Variants in NR1D2 observed in about 807,000 individuals in gnomAD.
The protein encoded by NR1D2 is V-erbA-related protein 1-related.
Under a neutral mutation model 52.2 loss-of-function variants are expected in NR1D2, and 25 were observed. The observed-to-expected ratio is 0.48, with a 90% confidence interval of 0.35 to 0.67. The LOEUF is 0.67. Among genes scored for constraint, NR1D2 ranks in the 30% least tolerant of loss-of-function variants. The pLI, the probability that NR1D2 is intolerant of heterozygous loss-of-function variation, is 0.01. For synonymous variants in NR1D2, 259 were observed against 230.1 expected (o/e 1.13, Z -1.14); for missense variants, 681 against 707.2 (o/e 0.96, Z 0.42).
At chr3:23,975,778 T>C (rs114605549) in intron 7 of NR1D2, among the ~76,000 whole-genome samples, 2,195 of 152,292 alleles carry the variant, frequency 0.014, 60 homozygotes, top group African/African-American at 0.051. Context: ...ATAAAACTTA[T>C]TTTTATCATT....
rs561849691 is a variant in NR1D2, at chr3:23,946,030, G to GGCGCGC, written c.16+447_16+452dup. 16 of 845,204 alleles carry GGCGCGC rather than the reference G, an allele frequency of 1.9e-5. No homozygotes were observed. In the South Asian group the frequency reaches 4.8e-4, roughly 26 times the overall value. The allele number at this position is 845,204 out of a possible 1,614,324, so 52.4% of individuals were successfully genotyped here. On this transcript the variant is annotated intron_variant, in intron 1 of 7. Transcript: ENST00000312521. ...GGCCGCAGGGACACGTGGGGGCGGGGGCGCGCGCGCGCGCGCTGGCTGGGA... is the reference window on the plus strand; with the variant it reads ...GGCCGCAGGGACACGTGGGGGCGGGGGCGCGCGCGCGCGCGCGCGCGCTGGCTGGGA...
chr3:23,950,169 A>T (rs1705886240), intron 1 of NR1D2, among the ~76,000 whole-genome samples: 1 of 152,218 alleles, frequency 6.6e-6, no homozygotes, highest in Admixed American at 6.5e-5. Flanking sequence ...GCACTTATGA[A>T]TGCCATTTCA....
At chr3:23,960,329 C>T (rs1323704238) in intron 4 of NR1D2, among the ~76,000 whole-genome samples, 2 of 152,158 alleles carry the variant, frequency 1.3e-5, no homozygotes, top group Non-Finnish European at 1.5e-5. Context: ...AGCGTGAACC[C>T]AGGAGGTGGA....
intron 4 of NR1D2, 77 bp from the exon 5 acceptor site, chr3:23,961,900 G>C: frequency 7.4e-7 from 1 of 1,358,356 alleles, no homozygotes; most frequent in Non-Finnish European, 9.9e-7. Context: ...ATAACTGTTG[G>C]ATAATTTTGT....
At chr3:23,947,521 T>C (rs1705776655) in intron 1 of NR1D2, among the ~76,000 whole-genome samples, 1 of 152,218 alleles carries the variant, frequency 6.6e-6, no homozygotes, top group South Asian at 2.1e-4. Context: ...AAGTTCCAAG[T>C]TGCCCTCTTT....
At chr3:23,961,637 C>T (rs892267044) in intron 4 of NR1D2, among the ~76,000 whole-genome samples, 9 of 152,036 alleles carry the variant, frequency 5.9e-5, no homozygotes, top group Non-Finnish European at 1.3e-4. Flanking sequence ...CTCAGGTGGT[C>T]CACCTGCCTC....
intron 6 of NR1D2, 26 bp downstream of exon 6, chr3:23,965,188 G>C: frequency 3.0e-6 from 4 of 1,333,412 alleles, no homozygotes; most frequent in Non-Finnish European, 4.2e-6. Context: ...CCTGAATATT[G>C]ATGCAGGCAG....
intron 1 of NR1D2, chr3:23,946,067 T>C (rs1408518253): frequency 5.1e-6 from 5 of 979,700 alleles, no homozygotes; most frequent in Middle Eastern, 5.2e-4. Context: ...CGCCGCAGCC[T>C]CCCGGGAGGC....
In NR1D2 at chr3:23,962,315, C is replaced by A. The variant is rs768518229; in HGVS notation, c.856C>A (p.Arg286=). Residue 286 remains arginine, a synonymous_variant, in exon 5 of 8, where the codon CGG becomes AGG. Transcript: ENST00000312521. The stretch of plus-strand genomic sequence containing the variant: ...GAGCATGCAGCCCCAGAGAGGAGAA[C>A]GGATTCCCAAGAACATGGAGCAATA... ...AESMQPQRGE[R]IPKNMEQYNL... is the part of the protein sequence containing the mutation. 1.4e-5 allele frequency: 23 copies of A among 1,614,040 alleles called. No individual in the cohort carries two copies. Among genetic ancestry groups the A allele is most frequent in the Non-Finnish European group, 1.8e-5 (21 of 1,180,036 alleles).
Position 23,945,570 on chromosome 3 carries a change from G to GT in NR1D2, c.-9_-8insT, listed in dbSNP as rs1315652390. ...AGCGGGCGGCCCCGGCCGCCTCCGC[G>GT]AGGGCACCATGGAGGTGAATGCAGG... On this transcript the variant is annotated 5_prime_UTR_variant, in exon 1 of 8. Coordinates refer to ENST00000312521, the MANE Select transcript of NR1D2 (RefSeq NM_005126.5). The GT allele has an allele frequency of 8.6e-7, 1 of 1,168,530 alleles. No homozygotes were observed. Among genetic ancestry groups the GT allele is most frequent in the East Asian group, 3.9e-5 (1 of 25,390 alleles). The allele number at this position is 1,168,530 out of a possible 1,614,324, so 72.4% of individuals were successfully genotyped here.
chr3:23,969,350 A>G (rs957585925), intron 7 of NR1D2, among the ~76,000 whole-genome samples: 1 of 152,142 alleles, frequency 6.6e-6, no homozygotes, highest in Non-Finnish European at 1.5e-5. Flanking sequence ...GAGGACCTGT[A>G]CCTCAGTGGA....
chr3:23,977,312 C>A lies in NR1D2; in HGVS notation c.1633C>A (p.Pro545Thr). Residue 545 changes from proline (P) to threonine (T), a missense_variant, in exon 8 of 8, where the codon CCA becomes ACA. By Grantham distance (38) the Pro-to-Thr change is conservative. Transcript: ENST00000312521. Reference protein sequence around the residue: ...ALRTLIMKNHPNEASIFTKLL... With the variant: ...ALRTLIMKNHTNEASIFTKLL... ...AAGGACCTTAATAATGAAAAACCATCCAAATGAGGCCTCTATTTTTACAAA... is the reference window on the plus strand; with the variant it reads ...AAGGACCTTAATAATGAAAAACCATACAAATGAGGCCTCTATTTTTACAAA... The A allele has an allele frequency of 6.2e-7, 1 of 1,613,168 alleles. No individual in the cohort carries two copies. Among genetic ancestry groups the A allele is most frequent in the Non-Finnish European group, 8.5e-7 (1 of 1,179,330 alleles).
rs1406639429 is a variant in NR1D2, at chr3:23,977,358, A to T, written c.1679A>T (p.Asp560Val). 6.2e-7 allele frequency: 1 copy of T among 1,613,356 alleles called. No individual in the cohort carries two copies. The highest frequency in any genetic ancestry group is 8.5e-7 in the Non-Finnish European group (1 of 1,179,706). ...ACAAAACTGCTTCTAAAGTTGCCAG[A>T]TCTTCGATCTTTAAACAACATGCAC... ...IFTKLLLKLP[D>V]LRSLNNMHSE... The change falls in exon 8 of 8, where the codon GAT becomes GTT. Residue 560 changes from aspartate to valine, a missense_variant. Physicochemically the swap from Asp to Val is radical, Grantham distance 152 (BLOSUM62 -3). This residue lies in a region of NR1D2 where 475 missense variants were observed against 454.5 expected (regional missense o/e 1.05). Coordinates refer to ENST00000312521, the MANE Select transcript of NR1D2 (RefSeq NM_005126.5).
chr3:23,954,685 C>T lies in NR1D2; in HGVS notation c.165C>T (p.Pro55=). 1 of 1,613,972 alleles carries T rather than the reference C, an allele frequency of 6.2e-7. No homozygotes were observed. Among genetic ancestry groups the T allele is most frequent in the Non-Finnish European group, 8.5e-7 (1 of 1,179,948 alleles). Residue 55 remains proline, a synonymous_variant, in exon 2 of 8, where the codon CCC becomes CCT. Transcript: ENST00000312521. ...CTAATTCTGATACCAATGGTAATCC[C>T]AAGAATGGTGATCTCGCCAATATTG... The part of the protein sequence containing the change: ...NSSNSDTNGN[P]KNGDLANIEG...
intron 3 of NR1D2, among the ~76,000 whole-genome samples, chr3:23,956,550 G>A (rs994232030): frequency 2.0e-5 from 3 of 151,956 alleles, no homozygotes; most frequent in Non-Finnish European, 4.4e-5. Context: ...TTAATGACAC[G>A]TCAGGTACTG....
chr3:23,950,467 G>T (rs1002365313), intron 1 of NR1D2, among the ~76,000 whole-genome samples: 1 of 152,184 alleles, frequency 6.6e-6, no homozygotes, highest in Non-Finnish European at 1.5e-5. Context: ...TTGGTGACTT[G>T]TAGTTTCACT....
At chr3:23,966,630 A>G (rs910880085) in intron 6 of NR1D2, among the ~76,000 whole-genome samples, 3 of 152,204 alleles carry the variant, frequency 2.0e-5, no homozygotes, top group Admixed American at 1.3e-4. Context: ...GCATTTCAGA[A>G]TCTTTGTTAA....
Position 23,967,968 on chromosome 3 carries a change from C to G in NR1D2, c.1488C>G (p.Leu496=), listed in dbSNP as rs1299978376. Residue 496 remains leucine (L), a synonymous_variant, in exon 7 of 8, where the codon CTC becomes CTG. Transcript: ENST00000312521. ...AATTTAGTGAGAAGCTAAATGCCCT[C>G]CAACTTAGTGATGAAGAGATGAGTT... is the stretch of plus-strand genomic sequence containing the variant. ...MFEFSEKLNA[L]QLSDEEMSLF... The G allele has an allele frequency of 1.2e-6, 2 of 1,614,022 alleles. No homozygotes were observed. Among genetic ancestry groups the G allele is most frequent in the South Asian group, 1.1e-5 (1 of 91,082 alleles).
intron 2 of NR1D2, among the ~76,000 whole-genome samples, chr3:23,955,766 T>A (rs571000980): frequency 1.3e-5 from 2 of 151,932 alleles, no homozygotes; most frequent in African/African-American, 2.4e-5. Context: ...GAGGTTGCAA[T>A]GAGCTGAGAT....
Sources: allele counts gnomAD v4.1 joint callset (sites outside exome capture counted in the v4.1 genomes callset), GRCh38; gene constraint gnomAD v4.1.1; regional missense constraint gnomAD v4.1.1; transcripts MANE v1.5; gene names NCBI Gene and HGNC (gene_info 2026-07-23, HGNC 2026-07-21).